SLX4IP: variants seen among roughly 807,000 people sequenced by gnomAD.
The protein encoded by SLX4IP is SLX4 interacting protein.
In SLX4IP, 34 loss-of-function variants were observed where a neutral mutation model predicts 32.9. The observed-to-expected ratio is 1.03, with a 90% confidence interval of 0.79 to 1.38. SLX4IP has a LOEUF of 1.38. Ranked by LOEUF, SLX4IP falls within the 40% of genes most tolerant of loss-of-function variation. The pLI is 0.00. For synonymous variants in SLX4IP, 172 were observed against 171.7 expected, an observed-to-expected ratio of 1.00 and a Z score of -0.01; for missense variants, 444 against 479.0, an observed-to-expected ratio of 0.93 and a Z score of 0.68.
chr20:10,586,931 T>A (rs866772361), intron 4 of SLX4IP, among the ~76,000 whole-genome samples: 2 of 152,126 alleles, frequency 1.3e-5, no homozygotes, highest in Admixed American at 6.5e-5. Context: ...GTCTGGATAT[T>A]TTACCAGGAC....
In SLX4IP at chr20:10,627,703, A is replaced by G. The variant is rs1029301734; in HGVS notation, c.*4324A>G. 5 of 152,368 alleles carry G rather than the reference A, an allele frequency of 3.3e-5. No individual in the cohort carries two copies. Among genetic ancestry groups the G allele is most frequent in the African/African-American group, 1.2e-4 (5 of 41,580 alleles). 9.4% of individuals were successfully genotyped at this position (152,368 alleles called of 1,614,324 possible). ...GCATAATATTACCATACACCATATT[A>G]CCTTATAATTGCCATTACAGTTCCT... On this transcript the variant is annotated 3_prime_UTR_variant, in exon 8 of 8. Coordinates refer to ENST00000334534, the MANE Select transcript of SLX4IP (RefSeq NM_001009608.3).
At chr20:10,553,845 C>T (rs1045807791) in intron 2 of SLX4IP, among the ~76,000 whole-genome samples, 5 of 152,226 alleles carry the variant, frequency 3.3e-5, no homozygotes, top group Admixed American at 2.6e-4. Flanking sequence ...CACTCTTTTA[C>T]ATCGTAGGAA....
chr20:10,449,453 C>T (rs1166400380), intron 1 of SLX4IP, among the ~76,000 whole-genome samples: 1 of 152,194 alleles, frequency 6.6e-6, no homozygotes, highest in Admixed American at 6.5e-5. Flanking sequence ...CACACCTACC[C>T]TGACAGCCCA....
chr20:10,575,351 A>G (rs2066512720), intron 4 of SLX4IP, among the ~76,000 whole-genome samples: 1 of 152,066 alleles, frequency 6.6e-6, no homozygotes, highest in African/African-American at 2.4e-5. Flanking sequence ...CACTGGTTTT[A>G]TATTGTCTGA....
At chr20:10,619,653 C>A (rs950169680) in intron 6 of SLX4IP, among the ~76,000 whole-genome samples, 2 of 152,162 alleles carry the variant, frequency 1.3e-5, no homozygotes, top group African/African-American at 4.8e-5. Flanking sequence ...TGTTCAAAGC[C>A]TGACTCATGC....
rs181010056 is a variant in SLX4IP, at chr20:10,479,896, C to T, written c.27+21665C>T. 7.6e-4 allele frequency among the ~76,000 whole-genome samples: 115 copies of T among 151,582 alleles called. No homozygotes were observed. The East Asian group carries it at 0.02, about 27-fold the overall frequency. ...GTGGGTGCCTGTAATCCCAGCCACTCGGGAGGCTGAGGCAGGAGAATCCCT... is the reference window on the plus strand; with the variant it reads ...GTGGGTGCCTGTAATCCCAGCCACTTGGGAGGCTGAGGCAGGAGAATCCCT... On this transcript the variant is annotated intron_variant, in intron 2 of 7. Coordinates refer to ENST00000334534, the MANE Select transcript of SLX4IP (RefSeq NM_001009608.3).
chr20:10,470,749 A>C (rs1568696072), intron 2 of SLX4IP, among the ~76,000 whole-genome samples: 2 of 152,160 alleles, frequency 1.3e-5, no homozygotes, highest in African/African-American at 2.4e-5. Flanking sequence ...AAAATTCACC[A>C]TATGTTACTG....
intron 4 of SLX4IP, among the ~76,000 whole-genome samples, chr20:10,597,130 A>G (rs1052506904): frequency 5.3e-5 from 8 of 152,206 alleles, no homozygotes; most frequent in African/African-American, 1.9e-4. Flanking sequence ...GATACTGAAT[A>G]TGAAAGTGGA....
At chr20:10,488,560 A>T (rs1273730836) in intron 2 of SLX4IP, among the ~76,000 whole-genome samples, 1 of 152,028 alleles carries the variant, frequency 6.6e-6, no homozygotes, top group Non-Finnish European at 1.5e-5. Flanking sequence ...TACAGCCCTG[A>T]TTCCTTCAAA....
intron 6 of SLX4IP, chr20:10,613,936 G>A: frequency 2.4e-6 from 3 of 1,224,566 alleles, no homozygotes; most frequent in Non-Finnish European, 3.6e-6. Flanking sequence ...TCCCAGTCTT[G>A]ATCTTGGATG....
At chr20:10,471,457 G>A (rs934571468) in intron 2 of SLX4IP, among the ~76,000 whole-genome samples, 3 of 152,200 alleles carry the variant, frequency 2.0e-5, no homozygotes, top group Non-Finnish European at 4.4e-5. Flanking sequence ...GACCAGATGA[G>A]CCCAGTAATT....
At chr20:10,468,832 T>C (rs2065400956) in intron 2 of SLX4IP, among the ~76,000 whole-genome samples, 1 of 152,188 alleles carries the variant, frequency 6.6e-6, no homozygotes, top group African/African-American at 2.4e-5. Context: ...CATCTTGAGG[T>C]GATATACATC....
chr20:10,550,505 A>C (rs1464033729), intron 2 of SLX4IP, among the ~76,000 whole-genome samples: 1 of 151,806 alleles, frequency 6.6e-6, no homozygotes, highest in Non-Finnish European at 1.5e-5. Context: ...CTTCACCTCG[A>C]GATCACCTTG....
intron 6 of SLX4IP, among the ~76,000 whole-genome samples, chr20:10,611,243 C>T (rs1299533655): frequency 6.6e-6 from 1 of 152,182 alleles, no homozygotes; most frequent in African/African-American, 2.4e-5. Flanking sequence ...CTGTCGCATA[C>T]AATAACCTAT....
At chr20:10,473,019 T>G (rs2065439073) in intron 2 of SLX4IP, among the ~76,000 whole-genome samples, 1 of 152,258 alleles carries the variant, frequency 6.6e-6, no homozygotes, top group South Asian at 2.1e-4. Context: ...CTTAGAACAT[T>G]GTTGCTATTA....
chr20:10,615,101 A>G (rs530441701), intron 6 of SLX4IP, among the ~76,000 whole-genome samples: 4 of 152,040 alleles, frequency 2.6e-5, no homozygotes, highest in East Asian at 1.9e-4. Context: ...GAAAATTTCA[A>G]TTTGCTCGTA....
intron 2 of SLX4IP, among the ~76,000 whole-genome samples, chr20:10,553,558 A>G (rs1290868433): frequency 6.6e-6 from 1 of 152,232 alleles, no homozygotes; most frequent in Non-Finnish European, 1.5e-5. Context: ...ACCTGGTGGC[A>G]GCATACTCCT....
intron 4 of SLX4IP, among the ~76,000 whole-genome samples, chr20:10,586,452 C>T (rs538246412): frequency 2.6e-5 from 4 of 152,228 alleles, no homozygotes; most frequent in South Asian, 2.1e-4. Flanking sequence ...TGGTTATCTG[C>T]GATTGGCTGA....
At chr20:10,524,802 T>C (rs1038330893) in intron 2 of SLX4IP, among the ~76,000 whole-genome samples, 1 of 152,214 alleles carries the variant, frequency 6.6e-6, no homozygotes, top group Non-Finnish European at 1.5e-5. Flanking sequence ...TAATGATTCA[T>C]GCTTGCTCAC....
Sources: allele counts gnomAD v4.1 joint callset (sites outside exome capture counted in the v4.1 genomes callset), GRCh38; gene constraint gnomAD v4.1.1; transcripts MANE v1.5; gene names NCBI Gene and HGNC (gene_info 2026-07-23, HGNC 2026-07-21).